The following AGBL4 variants were observed in gnomAD, a reference collection of about 807,000 sequenced individuals.
AGBL4 encodes cytosolic carboxypeptidase 6.
AGBL4 carries 58 observed loss-of-function variants against 66.4 expected under a neutral mutation model. The ratio of observed to expected loss-of-function variants is 0.87; its 90% CI spans 0.71 to 1.09. AGBL4 has a LOEUF of 1.09. Among genes scored for constraint, AGBL4 ranks in the 50% least tolerant of loss-of-function variants. The probability of loss-of-function intolerance (pLI) is 0.00; values close to 1 mark genes in which losing one functional copy is unlikely to be tolerated. For missense variants in AGBL4, 579 were observed against 631.0 expected (o/e 0.92, Z 0.88); for synonymous variants, 234 against 222.9 (o/e 1.05, Z -0.44).
chr1:48,597,721 G>T (rs1645015293), intron 9 of AGBL4, among the ~76,000 whole-genome samples: 1 of 128,510 alleles, frequency 7.8e-6, no homozygotes, highest in Non-Finnish European at 1.7e-5. Flanking sequence ...GAGAGAGGAG[G>T]GAAGGGGAGG....
intron 5 of AGBL4, among the ~76,000 whole-genome samples, chr1:48,868,673 A>G (rs889925812): frequency 4.6e-5 from 7 of 152,222 alleles, no homozygotes; most frequent in African/African-American, 1.7e-4. Flanking sequence ...TGGTTTATGT[A>G]AGATGGCTCT....
intron 5 of AGBL4, among the ~76,000 whole-genome samples, chr1:49,040,010 A>G (rs1038393420): frequency 2.6e-5 from 4 of 151,974 alleles, no homozygotes; most frequent in African/African-American, 9.7e-5. Context: ...TAAAGTTTTT[A>G]TTCTTCAAAA....
intron 6 of AGBL4, among the ~76,000 whole-genome samples, chr1:48,855,566 G>A (rs994485693): frequency 3.9e-5 from 6 of 152,148 alleles, no homozygotes; most frequent in Admixed American, 3.9e-4. Flanking sequence ...CGGAAAATGA[G>A]TTGGCAATAA....
intron 6 of AGBL4, among the ~76,000 whole-genome samples, chr1:48,829,460 T>C (rs1470866223): frequency 1.3e-5 from 2 of 152,206 alleles, no homozygotes; most frequent in African/African-American, 4.8e-5. Context: ...TCCAAAGGCA[T>C]CATATATCCC....
chr1:48,605,562 T>C (rs1225481748), intron 9 of AGBL4, among the ~76,000 whole-genome samples: 3 of 152,346 alleles, frequency 2.0e-5, no homozygotes, highest in Non-Finnish European at 2.9e-5. Flanking sequence ...TTGTACCTAT[T>C]TCACTGTTTC....
chr1:49,329,603 T>C (rs1251603225), intron 3 of AGBL4, among the ~76,000 whole-genome samples: 3 of 151,942 alleles, frequency 2.0e-5, no homozygotes, highest in Admixed American at 6.6e-5. Flanking sequence ...GAGGTGAAGT[T>C]TGCAGTGAGT....
intron 8 of AGBL4, among the ~76,000 whole-genome samples, chr1:48,641,813 C>T (rs1390776635): frequency 6.6e-6 from 1 of 152,154 alleles, no homozygotes. Flanking sequence ...TTCTTAGCCA[C>T]CATTATACTC....
At chr1:48,807,984 A>G (rs1286964649) in intron 6 of AGBL4, among the ~76,000 whole-genome samples, 1 of 152,260 alleles carries the variant, frequency 6.6e-6, no homozygotes, top group East Asian at 1.9e-4. Flanking sequence ...GCAATGACAC[A>G]AAGGGAAGAG....
intron 3 of AGBL4, among the ~76,000 whole-genome samples, chr1:49,679,590 T>C (rs1438246717): frequency 6.6e-6 from 1 of 152,186 alleles, no homozygotes. Context: ...TAGGGCTTGA[T>C]TCTATAATTT....
chr1:49,538,334 TCTC>T (rs1651760616), intron 3 of AGBL4, among the ~76,000 whole-genome samples: 1 of 152,170 alleles, frequency 6.6e-6, no homozygotes, highest in Non-Finnish European at 1.5e-5. Context: ...ATTGGCATCT[TCTC>T]ATCTATAAAT....
chr1:49,280,467 C>G (rs1375657097), intron 3 of AGBL4, among the ~76,000 whole-genome samples: 3 of 152,106 alleles, frequency 2.0e-5, no homozygotes, highest in African/African-American at 7.2e-5. Context: ...GGGCTACAGT[C>G]AAATACACAT....
intron 2 of AGBL4, among the ~76,000 whole-genome samples, chr1:49,733,108 G>C (rs1043155494): frequency 6.6e-6 from 1 of 152,162 alleles, no homozygotes; most frequent in Non-Finnish European, 1.5e-5. Context: ...AGAGCCAAAG[G>C]AGGCCAGAAG....
In AGBL4 at chr1:49,829,100, A is replaced by G. The variant is rs190944214; in HGVS notation, c.157+22296T>C. Among the ~76,000 whole-genome samples, 17 of 151,526 alleles carry G rather than the reference A, an allele frequency of 1.1e-4. No homozygotes were observed. The East Asian group carries it at 3.3e-3, about 29-fold the overall frequency. On this transcript the variant is annotated intron_variant, in intron 2 of 13. Coordinates refer to ENST00000371839, the MANE Select transcript of AGBL4 (RefSeq NM_032785.4). Reference sequence around the variant, plus strand: ...AAAAAAAGAAAGAAAGAAAGAAAGGAAGCAAGAGCAACATATGTTAACTGC... The same window carrying G: ...AAAAAAAGAAAGAAAGAAAGAAAGGGAGCAAGAGCAACATATGTTAACTGC...
intron 4 of AGBL4, among the ~76,000 whole-genome samples, chr1:49,066,493 A>G (rs1445826483): frequency 6.6e-6 from 1 of 152,224 alleles, no homozygotes; most frequent in African/African-American, 2.4e-5. Flanking sequence ...TGGGGCTTGC[A>G]GTAAGCCAAG....
chr1:49,917,780 C>T (rs1037411624), intron 1 of AGBL4, among the ~76,000 whole-genome samples: 4 of 152,194 alleles, frequency 2.6e-5, no homozygotes, highest in African/African-American at 7.2e-5. Flanking sequence ...ACAGAATATA[C>T]ATTCTTCTCA....
At chr1:49,971,063 T>C (rs982354418) in intron 1 of AGBL4, among the ~76,000 whole-genome samples, 2 of 152,216 alleles carry the variant, frequency 1.3e-5, no homozygotes, top group Non-Finnish European at 2.9e-5. Flanking sequence ...TATTTAAATA[T>C]AATTGATAAA....
intron 2 of AGBL4, among the ~76,000 whole-genome samples, chr1:49,833,319 T>C (rs1453675280): frequency 1.3e-5 from 2 of 150,998 alleles, no homozygotes; most frequent in South Asian, 2.1e-4. Context: ...TGCGGCGTTA[T>C]TTCTGAGGGC....
chr1:49,654,202 A>C (rs997751367), intron 3 of AGBL4, among the ~76,000 whole-genome samples: 3 of 152,286 alleles, frequency 2.0e-5, no homozygotes, highest in Non-Finnish European at 4.4e-5. Flanking sequence ...GTCCAGGAGC[A>C]GGTTGTTCAA....
intron 2 of AGBL4, among the ~76,000 whole-genome samples, chr1:49,746,538 A>G (rs1449369858): frequency 6.6e-6 from 1 of 151,938 alleles, no homozygotes; most frequent in African/African-American, 2.4e-5. Context: ...TCCCTATGTG[A>G]TAGGTCTTTT....
Sources: gnomAD v4.1 joint callset for allele counts (sites outside exome capture counted in the v4.1 genomes callset) on GRCh38, gnomAD v4.1.1 for gene constraint, MANE v1.5 for transcripts, NCBI Gene and HGNC (gene_info 2026-07-23, HGNC 2026-07-21) for gene names.